Variants in ELAPOR1 observed in about 807,000 individuals in gnomAD.
ELAPOR1 encodes the protein endosome-lysosome associated apoptosis and autophagy regulator 1.
A neutral mutation model predicts 119.7 loss-of-function variants in ELAPOR1; 77 were observed. The observed-to-expected ratio is 0.64, with a 90% CI of 0.54 to 0.78. ELAPOR1 has a LOEUF of 0.78. Ranked by LOEUF, ELAPOR1 falls within the 30% of genes least tolerant of loss-of-function variation. The pLI is 0.00. For synonymous variants in ELAPOR1, 481 were observed against 487.2 expected, an observed-to-expected ratio of 0.99 and a Z score of 0.17; for missense variants, 1,115 against 1,270.4, an observed-to-expected ratio of 0.88 and a Z score of 1.86.
In ELAPOR1 at chr1:109,188,225, C is replaced by G; in HGVS notation, c.1090C>G (p.Leu364Val). ...WAKPKICSEDLEGAVKLPASG... is the reference protein window; with the variant it reads ...WAKPKICSEDVEGAVKLPASG... Reference sequence around the variant, plus strand: ...CAAGCCGAAAATCTGTAGCGAGGACCTTGAGGGGGCAGTGAAGCTGCCTGC... The same window carrying G: ...CAAGCCGAAAATCTGTAGCGAGGACGTTGAGGGGGCAGTGAAGCTGCCTGC... Residue 364 changes from leucine (L) to valine (V), a missense_variant, in exon 9 of 22, where the codon CTT becomes GTT. Physicochemically the swap from Leu to Val is conservative, Grantham distance 32. Coordinates refer to ENST00000369939, the MANE Select transcript of ELAPOR1 (RefSeq NM_020775.5). 1 of 1,613,942 alleles carries G rather than the reference C, an allele frequency of 6.2e-7. No homozygotes were observed. The highest frequency in any genetic ancestry group is 8.5e-7 in the Non-Finnish European group (1 of 1,179,800).
At position 109,200,732 on chromosome 1, in the gene ELAPOR1, T is replaced by C. The variant is rs778814758; in HGVS notation, c.2808-3T>C. ...TTGTCTTTCCCATCCTCCTGTTTTA[T>C]AGACTAGAGTACAAGTACTCCAAGC... On this transcript the variant is annotated splice_region_variant and splice_polypyrimidine_tract_variant and intron_variant, in intron 20 of 21. Coordinates refer to ENST00000369939, the MANE Select transcript of ELAPOR1 (RefSeq NM_020775.5). The C allele has an allele frequency of 6.2e-7, 1 of 1,612,258 alleles. No homozygotes were observed. The highest frequency in any genetic ancestry group is 1.1e-5 in the South Asian group (1 of 90,864).
intron 8 of ELAPOR1, chr1:109,186,649 C>T (rs1260500334): frequency 3.0e-6 from 3 of 985,312 alleles, no homozygotes; most frequent in Non-Finnish European, 3.6e-6. Context: ...TCTGTATGAC[C>T]TTGTGAACAT....
At chr1:109,158,636 T>C (rs1651043474) in intron 1 of ELAPOR1, among the ~76,000 whole-genome samples, 1 of 152,146 alleles carries the variant, frequency 6.6e-6, no homozygotes, top group African/African-American at 2.4e-5. Context: ...CAGTGTAATT[T>C]GGGTGTGCGT....
chr1:109,189,539 AT>A, intron 10 of ELAPOR1, 52 bp from the exon 11 acceptor site: 1 of 1,497,716 alleles, frequency 6.7e-7, no homozygotes, highest in Admixed American at 1.7e-5. Context: ...CTGGGTGCAC[AT>A]TTGCCTTGCA....
At chr1:109,182,934 G>A (rs1652788308) in intron 7 of ELAPOR1, among the ~76,000 whole-genome samples, 1 of 151,330 alleles carries the variant, frequency 6.6e-6, no homozygotes, top group Non-Finnish European at 1.5e-5. Context: ...TAAAGAGAGA[G>A]AAGTTCTTAC....
chr1:109,188,954 C>T (rs1049739498), intron 9 of ELAPOR1, 112 bp from the exon 10 acceptor site: 6 of 1,290,640 alleles, frequency 4.6e-6, no homozygotes, highest in African/African-American at 3.0e-5. Flanking sequence ...ACTCAGCAGC[C>T]AGGCTTCTGG....
chr1:109,184,986 G>A, intron 7 of ELAPOR1, 59 bp from the exon 8 acceptor site: 2 of 1,349,372 alleles, frequency 1.5e-6, no homozygotes, highest in Non-Finnish European at 2.1e-6. Context: ...CCATGAAGAG[G>A]CCAGGAGCTC....
At chr1:109,172,612 A>G (rs1436731150) in intron 5 of ELAPOR1, 44 bp downstream of exon 5, 6 of 1,452,170 alleles carry the variant, frequency 4.1e-6, no homozygotes, top group Non-Finnish European at 5.8e-6. Flanking sequence ...CAGAAAAGGG[A>G]CCCAGGGCCT....
intron 18 of ELAPOR1, among the ~76,000 whole-genome samples, chr1:109,199,636 C>G (rs1028972526): frequency 1.3e-5 from 2 of 152,224 alleles, no homozygotes; most frequent in Non-Finnish European, 2.9e-5. Context: ...CATAAACGGG[C>G]AGAGGGTGGG....
At chr1:109,141,555 A>G (rs912233148) in intron 1 of ELAPOR1, among the ~76,000 whole-genome samples, 4 of 152,050 alleles carry the variant, frequency 2.6e-5, no homozygotes, top group African/African-American at 9.7e-5. Flanking sequence ...GCCACCGCCC[A>G]GCCCAAAGTA....
intron 1 of ELAPOR1, among the ~76,000 whole-genome samples, chr1:109,147,686 G>T (rs1650264768): frequency 6.6e-6 from 1 of 151,958 alleles, no homozygotes. Context: ...TGTTGGTGAT[G>T]GGGAGGCTAT....
intron 20 of ELAPOR1, 140 bp from the exon 21 acceptor site, chr1:109,200,595 C>A: frequency 1.3e-6 from 1 of 755,462 alleles, no homozygotes; most frequent in East Asian, 2.7e-5. Flanking sequence ...ATTACCCCAG[C>A]CCTGACACCA....
chr1:109,201,837 T>C (rs1250694387), intron 21 of ELAPOR1, among the ~76,000 whole-genome samples: 1 of 152,170 alleles, frequency 6.6e-6, no homozygotes, highest in Non-Finnish European at 1.5e-5. Flanking sequence ...TTTTGGCTCA[T>C]GCCTGTAATC....
chr1:109,192,764 C>T lies in ELAPOR1; in HGVS notation c.1837C>T (p.Arg613Ter), dbSNP rs1177973060. ...TSCPAGYYID[R>*]DSGTCHSCPT... ...TTGTCCTGCTGGTTACTATATTGAC[C>T]GAGATTCAGGAACCTGCCACTCCTG... is the stretch of plus-strand genomic sequence containing the variant. The change falls in exon 14 of 22, where the codon CGA becomes TGA. Residue 613 changes from arginine (R) to a stop codon, truncating the protein, a stop_gained. Coordinates refer to ENST00000369939, the MANE Select transcript of ELAPOR1 (RefSeq NM_020775.5). LOFTEE classifies it high-confidence loss of function. The T allele has an allele frequency of 4.3e-6, 7 of 1,613,822 alleles. No individual in the cohort carries two copies. In the Admixed American group the frequency reaches 5.0e-5, roughly 12 times the overall value.
intron 3 of ELAPOR1, among the ~76,000 whole-genome samples, chr1:109,168,205 C>G (rs631178): frequency 0.93 from 141,005 of 152,174 alleles, 66,252 homozygotes; most frequent in East Asian, 1. Context: ...CCTAAAAATC[C>G]CTTCCTCAAA....
chr1:109,197,965 C>T lies in ELAPOR1; in HGVS notation c.2303-14C>T. 1 of 1,604,296 alleles carries T rather than the reference C, an allele frequency of 6.2e-7. No individual in the cohort carries two copies. The highest frequency in any genetic ancestry group is 8.5e-7 in the Non-Finnish European group (1 of 1,170,974). Reference sequence around the variant, plus strand: ...GCTACTAGTGAGAACTAATTAGGAGCTCTAATTTGGCAGGGGTGACAACAG... The same window carrying T: ...GCTACTAGTGAGAACTAATTAGGAGTTCTAATTTGGCAGGGGTGACAACAG... On this transcript the variant is annotated splice_polypyrimidine_tract_variant and intron_variant, in intron 16 of 21. Coordinates refer to ENST00000369939, the MANE Select transcript of ELAPOR1 (RefSeq NM_020775.5).
intron 1 of ELAPOR1, among the ~76,000 whole-genome samples, chr1:109,159,636 C>A (rs557379866): frequency 3.9e-5 from 6 of 152,242 alleles, no homozygotes; most frequent in African/African-American, 1.4e-4. Context: ...AGGAGGATTC[C>A]TGGTGGGAAG....
intron 7 of ELAPOR1, among the ~76,000 whole-genome samples, chr1:109,175,826 C>CAAAAAAAAAAAA (rs55824923): frequency 1.1e-5 from 1 of 88,434 alleles, no homozygotes; most frequent in Non-Finnish European, 2.1e-5. Flanking sequence ...GACTCAGTCT[C>CAAAAAAAAAAAA]AAAAAAAAAA....
At position 109,194,416 on chromosome 1, in the gene ELAPOR1, C is replaced by G. The variant is rs934748690; in HGVS notation, c.1948-5C>G. On this transcript the variant is annotated splice_region_variant and splice_polypyrimidine_tract_variant and intron_variant, in intron 14 of 21. Coordinates refer to ENST00000369939, the MANE Select transcript of ELAPOR1 (RefSeq NM_020775.5). ...GCTGGCCCGACCCGTCCCTCTCCCC[C>G]TCAGATCCACTCTCTGTGCTACAAC... is the stretch of plus-strand genomic sequence containing the variant. 5.0e-6 allele frequency: 8 copies of G among 1,613,044 alleles called. No homozygotes were observed. The East Asian group carries it at 6.7e-5, about 13-fold the overall frequency.
Sources: allele counts gnomAD v4.1 joint callset (sites outside exome capture counted in the v4.1 genomes callset), GRCh38; gene constraint gnomAD v4.1.1; transcripts MANE v1.5; gene names NCBI Gene and HGNC (gene_info 2026-07-23, HGNC 2026-07-21).